ADAMTS19: variants seen among roughly 807,000 people sequenced by gnomAD.
ADAMTS19 encodes ADAM metallopeptidase with thrombospondin type 1 motif 19.
Under a neutral mutation model 153.3 loss-of-function variants are expected in ADAMTS19, and 93 were observed. The ratio of observed to expected loss-of-function variants is 0.61; its 90% confidence interval spans 0.51 to 0.72. The LOEUF (loss-of-function observed/expected upper bound fraction) is 0.72, where lower values mean the gene tolerates loss of function less well. Among genes scored for constraint, ADAMTS19 ranks in the 30% least tolerant of loss-of-function variants. ADAMTS19 has a pLI of 0.00. For missense variants in ADAMTS19, 1,482 were observed against 1,552.1 expected, an observed-to-expected ratio of 0.95 and a Z score of 0.76; for synonymous variants, 600 against 556.6, an observed-to-expected ratio of 1.08 and a Z score of -1.10.
In ADAMTS19 at chr5:129,735,079, A is replaced by G; in HGVS notation, c.3460A>G (p.Asn1154Asp). ...TCTTCAACCCTGCAATGAGAAAATTAATGTAAATACCATAACATCACCCAG... is the reference window on the plus strand; with the variant it reads ...TCTTCAACCCTGCAATGAGAAAATTGATGTAAATACCATAACATCACCCAG... ...CHLQPCNEKI[N>D]VNTITSPRLA... is the part of the protein sequence containing the mutation. The change falls in exon 22 of 23, where the codon AAT becomes GAT. Residue 1154 changes from asparagine (N) to aspartate (D), a missense_variant. Physicochemically the swap from Asn to Asp is conservative, Grantham distance 23. This residue lies in a region of ADAMTS19 where 616 missense variants were observed against 724.4 expected (regional missense o/e 0.85). Coordinates refer to ENST00000274487, the MANE Select transcript of ADAMTS19 (RefSeq NM_133638.6). 1.9e-6 allele frequency: 3 copies of G among 1,603,882 alleles called. No individual in the cohort carries two copies. The highest frequency in any genetic ancestry group is 2.6e-6 in the Non-Finnish European group (3 of 1,176,450).
intron 17 of ADAMTS19, among the ~76,000 whole-genome samples, chr5:129,681,285 C>T (rs962491984): frequency 8.5e-5 from 13 of 152,150 alleles, no homozygotes; most frequent in East Asian, 3.9e-4. Flanking sequence ...CCACCTTCCA[C>T]GTGATACTGC....
intron 14 of ADAMTS19, among the ~76,000 whole-genome samples, chr5:129,658,310 A>AGAAAGAAAGAAAGAAAGG (rs1561632087): frequency 2.2e-4 from 4 of 18,432 alleles, no homozygotes; most frequent in African/African-American, 4.6e-4. Context: ...AAAGAAAGAA[A>AGAAAGAAAGAAAGAAAGG]AAGAAAGAAA....
chr5:129,716,362 C>A (rs1394716484), intron 21 of ADAMTS19, among the ~76,000 whole-genome samples: 1 of 151,950 alleles, frequency 6.6e-6, no homozygotes, highest in Non-Finnish European at 1.5e-5. Context: ...CCACACCCAG[C>A]TGATTTTTGT....
chr5:129,587,805 C>T (rs937011442), intron 7 of ADAMTS19, among the ~76,000 whole-genome samples: 12 of 151,986 alleles, frequency 7.9e-5, no homozygotes, highest in African/African-American at 2.7e-4. Context: ...CACCTCCCAC[C>T]CCCAGGTTTT....
At position 129,596,580 on chromosome 5, in the gene ADAMTS19, T is replaced by G; in HGVS notation, c.1394T>G (p.Met465Arg). ...DTVGIAYLSG[M>R]CSEKRKCIIA... ...TTAGGTATAGCTTACTTGAGTGGAA[T>G]GTGTAGTGAAAAGAGAAAATGTATT... Residue 465 changes from methionine (M) to arginine (R), a missense_variant, in exon 8 of 23, where the codon ATG becomes AGG. Met to Arg is a moderately conservative substitution (Grantham distance 91). Coordinates refer to ENST00000274487, the MANE Select transcript of ADAMTS19 (RefSeq NM_133638.6). 1 of 1,606,322 alleles carries G rather than the reference T, an allele frequency of 6.2e-7. No homozygotes were observed. The highest frequency in any genetic ancestry group is 8.5e-7 in the Non-Finnish European group (1 of 1,176,614).
chr5:129,536,025 C>A (rs373325760), intron 6 of ADAMTS19, among the ~76,000 whole-genome samples: 2 of 152,116 alleles, frequency 1.3e-5, no homozygotes, highest in Non-Finnish European at 2.9e-5. Flanking sequence ...GTCTAAAACA[C>A]CAAAAGCAAT....
At chr5:129,502,292 T>C (rs1581013222) in intron 2 of ADAMTS19, among the ~76,000 whole-genome samples, 5 of 152,136 alleles carry the variant, frequency 3.3e-5, no homozygotes, top group Admixed American at 3.3e-4. Context: ...TTTGGTGATT[T>C]GGGGGTGGGG....
intron 2 of ADAMTS19, among the ~76,000 whole-genome samples, chr5:129,508,852 C>T (rs1317344526): frequency 3.3e-5 from 5 of 151,834 alleles, no homozygotes; most frequent in Admixed American, 6.6e-5. Context: ...CCCACCCACA[C>T]GGATTAAGAC....
At position 129,460,516 on chromosome 5, in the gene ADAMTS19, C is replaced by G. The variant is rs534321705; in HGVS notation, c.91+34C>G. 4.3e-6 allele frequency: 7 copies of G among 1,613,178 alleles called. No homozygotes were observed. The East Asian group carries it at 8.9e-5, about 21-fold the overall frequency. ...TTCCGTGACTTTCTCGCTTCCTTTC[C>G]AGCCATCCCAGCGGAGACCGCGAAC... On this transcript the variant is annotated intron_variant, in intron 1 of 22. Transcript: ENST00000274487.
intron 16 of ADAMTS19, among the ~76,000 whole-genome samples, chr5:129,665,811 A>G (rs550987629): frequency 9.5e-4 from 144 of 151,656 alleles, no homozygotes; most frequent in Non-Finnish European, 1.8e-3. Context: ...TTGCTTCCAC[A>G]TGTTAGTCCA....
chr5:129,721,346 C>G (rs1756997970), intron 21 of ADAMTS19, among the ~76,000 whole-genome samples: 1 of 152,102 alleles, frequency 6.6e-6, no homozygotes, highest in African/African-American at 2.4e-5. Context: ...TTTGACCCAT[C>G]AAAAATTTCT....
intron 4 of ADAMTS19, 94 bp from the exon 5 acceptor site, chr5:129,527,654 C>T (rs1307209823): frequency 1.7e-5 from 5 of 294,960 alleles, no homozygotes; most frequent in East Asian, 1.5e-4. Flanking sequence ...AAAGATGTCT[C>T]AACTAAATTG....
intron 8 of ADAMTS19, among the ~76,000 whole-genome samples, chr5:129,613,534 C>T (rs1174789076): frequency 2.0e-5 from 3 of 151,934 alleles, no homozygotes; most frequent in Non-Finnish European, 2.9e-5. Flanking sequence ...ACATTTAAAG[C>T]AGTGTGTAAA....
intron 6 of ADAMTS19, among the ~76,000 whole-genome samples, chr5:129,551,285 C>G (rs994640697): frequency 1.3e-5 from 2 of 151,544 alleles, no homozygotes; most frequent in Non-Finnish European, 3.0e-5. Context: ...GTGAAGCATT[C>G]TTAGGAATGC....
chr5:129,466,100 G>A (rs140178804), intron 2 of ADAMTS19, among the ~76,000 whole-genome samples: 65 of 152,264 alleles, frequency 4.3e-4, no homozygotes, highest in African/African-American at 1.2e-3. Flanking sequence ...CATATGTGTC[G>A]CTAACACAGG....
chr5:129,531,667 A>G (rs1005797053), intron 6 of ADAMTS19, among the ~76,000 whole-genome samples: 1 of 151,958 alleles, frequency 6.6e-6, no homozygotes, highest in East Asian at 1.9e-4. Context: ...AAATCTTCCC[A>G]TTCTGTCACA....
At chr5:129,549,708 A>G (rs960374455) in intron 6 of ADAMTS19, among the ~76,000 whole-genome samples, 1 of 151,154 alleles carries the variant, frequency 6.6e-6, no homozygotes, top group Admixed American at 6.6e-5. Flanking sequence ...AGCTAAATGT[A>G]ATGAGCATAT....
intron 11 of ADAMTS19, among the ~76,000 whole-genome samples, chr5:129,646,026 C>T (rs1753050926): frequency 6.8e-6 from 1 of 147,462 alleles, no homozygotes; most frequent in Admixed American, 6.8e-5. Flanking sequence ...GTAGCTGGGA[C>T]TACAGGCGCC....
chr5:129,601,798 C>A (rs575100376), intron 8 of ADAMTS19, among the ~76,000 whole-genome samples: 1 of 152,046 alleles, frequency 6.6e-6, no homozygotes, highest in African/African-American at 2.4e-5. Flanking sequence ...ATTTTACTGG[C>A]GTTTGATCAT....
Sources: gnomAD v4.1 joint callset for allele counts (sites outside exome capture counted in the v4.1 genomes callset) on GRCh38, gnomAD v4.1.1 for gene constraint, gnomAD v4.1.1 regional missense constraint, MANE v1.5 for transcripts, NCBI Gene and HGNC (gene_info 2026-07-23, HGNC 2026-07-21) for gene names.